Variants in COL21A1 observed in about 807,000 individuals in gnomAD.
COL21A1 encodes collagen type XXI alpha 1 chain, also known as collagen alpha-1(XXI) chain.
In COL21A1, 149 loss-of-function variants were observed where a neutral mutation model predicts 137.9. The observed-to-expected ratio is 1.08, with a 90% CI of 0.95 to 1.24. COL21A1 has a LOEUF of 1.24. COL21A1 is among the 50% of genes most tolerant of loss of function. The probability of loss-of-function intolerance (pLI) is 0.00; values close to 1 mark genes in which losing one functional copy is unlikely to be tolerated. For synonymous variants in COL21A1, 456 were observed against 391.5 expected (o/e 1.16, Z -1.95); for missense variants, 1,167 against 1,158.4 (o/e 1.01, Z -0.11).
At position 56,170,998 on chromosome 6, in the gene COL21A1, A is replaced by G. The variant is rs1338981481; in HGVS notation, c.771T>C (p.Tyr257=). ...IQLSPKKIKG[Y]EVTSKVDLSE... ...ATAAATCAACTTTTGATGTTACTTC[A>G]TATCCTTTTATCTTTTTTGGTGAAA... Residue 257 remains tyrosine (Y), a synonymous_variant, in exon 4 of 30, where the codon TAT becomes TAC. Transcript: ENST00000244728. The G allele has an allele frequency of 3.1e-6, 5 of 1,606,506 alleles. No homozygotes were observed. In the South Asian group the frequency reaches 4.5e-5, roughly 14 times the overall value.
chr6:56,296,068 T>G lies in COL21A1; in HGVS notation c.-39+97903A>C, dbSNP rs75653596. On this transcript the variant is annotated intron_variant, in intron 1 of 28. Transcript: ENST00000370819. Reference sequence around the variant, plus strand: ...ATTAAGTATGATGTTAGCTATAAGTTTTTTACAGATGTTCTTTATCAAGTT... The same window carrying G: ...ATTAAGTATGATGTTAGCTATAAGTGTTTTACAGATGTTCTTTATCAAGTT... 3.1e-3 allele frequency among the ~76,000 whole-genome samples: 471 copies of G among 152,060 alleles called. 4 individuals are homozygous for G. Among genetic ancestry groups the G allele is most frequent in the African/African-American group, 0.011 (440 of 41,532 alleles).
chr6:56,273,355 A>G (rs1763570529), intron 1 of COL21A1, among the ~76,000 whole-genome samples: 1 of 131,456 alleles, frequency 7.6e-6, no homozygotes, highest in African/African-American at 2.6e-5. Flanking sequence ...ACTAACCCCA[A>G]AGATAGCAGA....
At chr6:56,302,541 C>T (rs1296653617) in intron 1 of COL21A1, among the ~76,000 whole-genome samples, 1 of 151,964 alleles carries the variant, frequency 6.6e-6, no homozygotes, top group African/African-American at 2.4e-5. Context: ...TGAGAAGTGT[C>T]TGTTCATATC....
rs1774449274 is a variant in COL21A1, at chr6:56,141,981, T to C, written c.1437A>G (p.Gly479=). The C allele has an allele frequency of 6.6e-7, 1 of 1,520,590 alleles. No individual in the cohort carries two copies. Among genetic ancestry groups the C allele is most frequent in the Non-Finnish European group, 8.9e-7 (1 of 1,129,112 alleles). The allele number at this position is 1,520,590 out of a possible 1,614,324, so 94.2% of individuals were successfully genotyped here. A position where few individuals can be genotyped will look rare whatever the true frequency, so the allele number is the denominator to read the frequency against. The change falls in exon 11 of 30, where the codon GGA becomes GGG. Residue 479 remains glycine (G), a splice_region_variant and synonymous_variant. Transcript: ENST00000244728. ...CTGGTGTCCCTGCAATTCCCTGATATCCCTAAAGAAAAATTTAAAAAGAAA... is the reference window on the plus strand; with the variant it reads ...CTGGTGTCCCTGCAATTCCCTGATACCCCTAAAGAAAAATTTAAAAAGAAA... The part of the protein sequence containing the change: ...PGQPGQDGKP[G]YQGIAGTPGV...
chr6:56,065,280 C>T (rs570873963), intron 23 of COL21A1, among the ~76,000 whole-genome samples: 17 of 152,064 alleles, frequency 1.1e-4, no homozygotes, highest in African/African-American at 3.9e-4. Context: ...ATAAGGTAAT[C>T]GATGAAAGAT....
chr6:56,274,892 G>C (rs1384060099), intron 1 of COL21A1, among the ~76,000 whole-genome samples: 7 of 151,342 alleles, frequency 4.6e-5, no homozygotes, highest in African/African-American at 1.7e-4. Flanking sequence ...CAAAAAAAAA[G>C]CCCAAAGAGC....
intron 1 of COL21A1, among the ~76,000 whole-genome samples, chr6:56,326,206 G>T (rs1212506948): frequency 1.3e-5 from 2 of 148,710 alleles, no homozygotes; most frequent in African/African-American, 4.9e-5. Flanking sequence ...TTTTAATTAA[G>T]TGCACATATA....
At chr6:56,314,915 C>T (rs1444488503) in intron 1 of COL21A1, among the ~76,000 whole-genome samples, 1 of 152,110 alleles carries the variant, frequency 6.6e-6, no homozygotes, top group Non-Finnish European at 1.5e-5. Flanking sequence ...TTCTTTGGTT[C>T]CTTGGGATTT....
intron 1 of COL21A1, among the ~76,000 whole-genome samples, chr6:56,183,282 T>C (rs1778034127): frequency 1.3e-5 from 2 of 152,320 alleles, no homozygotes; most frequent in East Asian, 3.9e-4. Flanking sequence ...TTCATATGCT[T>C]TTTAAGCCCA....
At chr6:56,228,701 C>A (rs1027427678) in intron 1 of COL21A1, among the ~76,000 whole-genome samples, 3 of 151,576 alleles carry the variant, frequency 2.0e-5, no homozygotes, top group Non-Finnish European at 2.9e-5. Flanking sequence ...ATGCAACTGA[C>A]GCTAAGCAGA....
chr6:56,145,292 G>T (rs1158884373), intron 10 of COL21A1, among the ~76,000 whole-genome samples: 1 of 152,158 alleles, frequency 6.6e-6, no homozygotes, highest in African/African-American at 2.4e-5. Flanking sequence ...GTTGTGATAT[G>T]TATATTTTTA....
chr6:56,122,437 C>T (rs77615414), intron 16 of COL21A1, among the ~76,000 whole-genome samples: 22,772 of 151,910 alleles, frequency 0.15, 1,732 homozygotes, highest in Middle Eastern at 0.22. Context: ...CTCAGCCTCC[C>T]GAGTAGCTGG....
chr6:56,147,562 ATGC>A, intron 10 of COL21A1, among the ~76,000 whole-genome samples: 2 of 152,100 alleles, frequency 1.3e-5, no homozygotes, highest in African/African-American at 4.8e-5. Context: ...CTACATTCAC[ATGC>A]ACAAACTTAT....
intron 1 of COL21A1, among the ~76,000 whole-genome samples, chr6:56,208,408 G>A (rs1032389972): frequency 2.0e-5 from 3 of 152,082 alleles, no homozygotes; most frequent in Non-Finnish European, 2.9e-5. Context: ...CAAATCATGT[G>A]TGAACTCCCA....
At chr6:56,267,218 G>A (rs1195393286) in intron 1 of COL21A1, among the ~76,000 whole-genome samples, 2 of 152,186 alleles carry the variant, frequency 1.3e-5, no homozygotes, top group African/African-American at 4.8e-5. Context: ...ACTAAGCACT[G>A]TTCTAAGAGT....
chr6:56,393,023 A>C (rs2397222), intron 1 of COL21A1, among the ~76,000 whole-genome samples: 1 of 147,160 alleles, frequency 6.8e-6, no homozygotes, highest in South Asian at 2.1e-4. Flanking sequence ...ACCACAAAAG[A>C]CCCAGGATAA....
intron 17 of COL21A1, among the ~76,000 whole-genome samples, chr6:56,095,473 A>C (rs1334558360): frequency 6.6e-6 from 1 of 152,144 alleles, no homozygotes; most frequent in East Asian, 1.9e-4. Context: ...AACTGCTTCC[A>C]GTCAAAAGTT....
At chr6:56,266,321 G>C (rs1054740474) in intron 1 of COL21A1, among the ~76,000 whole-genome samples, 2 of 152,208 alleles carry the variant, frequency 1.3e-5, no homozygotes, top group African/African-American at 4.8e-5. Context: ...TACAGCCTTT[G>C]GACCAAATCT....
chr6:56,266,171 T>A (rs957186898), intron 1 of COL21A1, among the ~76,000 whole-genome samples: 3 of 152,228 alleles, frequency 2.0e-5, no homozygotes, highest in African/African-American at 7.2e-5. Flanking sequence ...TTAGGCCATG[T>A]TCATTCTTCC....
Sources: gnomAD v4.1 joint callset for allele counts (sites outside exome capture counted in the v4.1 genomes callset) on GRCh38, gnomAD v4.1.1 for gene constraint, MANE v1.5 for transcripts, NCBI Gene and HGNC (gene_info 2026-07-23, HGNC 2026-07-21) for gene names.